Variants in CSRP3 observed in about 807,000 individuals in gnomAD.
CSRP3 encodes cysteine and glycine rich protein 3, also known as cysteine and glycine-rich protein 3.
CSRP3 carries 24 observed loss-of-function variants against 24.3 expected under a neutral mutation model. The ratio of observed to expected loss-of-function variants is 0.99; its 90% CI spans 0.71 to 1.39. The LOEUF is 1.39. Among genes scored for constraint, CSRP3 ranks in the 40% most tolerant of loss-of-function variants. The probability of loss-of-function intolerance (pLI) is 0.00; values close to 1 mark genes in which losing one functional copy is unlikely to be tolerated. For synonymous variants in CSRP3, 105 were observed against 94.0 expected (o/e 1.12, Z -0.68); for missense variants, 240 against 249.0 (o/e 0.96, Z 0.24).
At chr11:19,195,913 G>A (rs1850694394) in intron 1 of CSRP3, among the ~76,000 whole-genome samples, 1 of 152,214 alleles carries the variant, frequency 6.6e-6, no homozygotes, top group Non-Finnish European at 1.5e-5. Context: ...AGATGGGAAT[G>A]TAACCATGGA....
intron 1 of CSRP3, among the ~76,000 whole-genome samples, chr11:19,197,564 TTTCTTTCTTTCTTC>T (rs1850760419): frequency 2.2e-5 from 3 of 136,504 alleles, no homozygotes; most frequent in African/African-American, 9.0e-5. Context: ...TCTTTCTTTC[TTTCTTTCTTTCTTC>T]TTTCACTACC....
intron 1 of CSRP3, among the ~76,000 whole-genome samples, chr11:19,197,519 CTTTCTTTCTTTCT>C (rs1473514303): frequency 3.3e-5 from 4 of 119,576 alleles, no homozygotes; most frequent in Non-Finnish European, 5.2e-5. Flanking sequence ...TTCTTTCTTT[CTTTCTTTCTTTCT>C]TTCTTTCTTT....
At chr11:19,198,822 G>A (rs1190655556) in intron 1 of CSRP3, among the ~76,000 whole-genome samples, 1 of 152,158 alleles carries the variant, frequency 6.6e-6, no homozygotes, top group African/African-American at 2.4e-5. Context: ...CTCAATGCAT[G>A]TCCTCATGTA....
intron 2 of CSRP3, 85 bp downstream of exon 2, chr11:19,192,252 C>G: frequency 1.1e-6 from 1 of 916,110 alleles, no homozygotes; most frequent in Non-Finnish European, 1.8e-6. Context: ...ATGAGAACCA[C>G]TGGCATACAG....
At chr11:19,186,644 G>GT (rs1302506735) in intron 3 of CSRP3, among the ~76,000 whole-genome samples, 17 of 152,362 alleles carry the variant, frequency 1.1e-4, no homozygotes, top group African/African-American at 3.8e-4. Context: ...TTCTAGTTAT[G>GT]TTAGCTTGTG....
intron 3 of CSRP3, among the ~76,000 whole-genome samples, chr11:19,186,800 T>C (rs564099712): frequency 6.6e-6 from 1 of 152,366 alleles, no homozygotes; most frequent in East Asian, 1.9e-4. Flanking sequence ...AATCAGTTCC[T>C]GATGAACCAC....
intron 2 of CSRP3, among the ~76,000 whole-genome samples, chr11:19,189,093 A>C (rs1359511112): frequency 6.6e-6 from 1 of 152,216 alleles, no homozygotes; most frequent in South Asian, 2.1e-4. Flanking sequence ...TGATTTGGAA[A>C]GGTTACTTTT....
intron 4 of CSRP3, among the ~76,000 whole-genome samples, chr11:19,185,274 T>A (rs1850506758): frequency 6.6e-6 from 1 of 152,248 alleles, no homozygotes; most frequent in South Asian, 2.1e-4. Context: ...GCATATGTTT[T>A]CCTTCAGAAT....
chr11:19,189,910 G>A (rs4757768), intron 2 of CSRP3, among the ~76,000 whole-genome samples: 81,969 of 152,000 alleles, frequency 0.54, 24,395 homozygotes, highest in Admixed American at 0.7. Flanking sequence ...TAGAAGGTGT[G>A]TACACTTGTC....
intron 1 of CSRP3, among the ~76,000 whole-genome samples, chr11:19,200,649 A>G (rs1850823221): frequency 6.6e-6 from 1 of 152,240 alleles, no homozygotes; most frequent in Non-Finnish European, 1.5e-5. Flanking sequence ...CTCCTGCCCA[A>G]TAGCCTGGGC....
rs755614464 is a variant in CSRP3, at chr11:19,188,165, C to G, written c.252G>C (p.Thr84=). Residue 84 remains threonine, a synonymous_variant, in exon 3 of 6, where the codon ACG becomes ACC. Coordinates refer to ENST00000265968, the MANE Select transcript of CSRP3 (RefSeq NM_003476.5). ...GGAACTGCAGGCCGAGATGCTCGCC[C>G]GTGTCTGTGCTGAGACAGCCAGCGC... ...GQGAGCLSTD[T]GEHLGLQFQQ... is the part of the protein sequence containing the mutation. The G allele has an allele frequency of 1.2e-6, 2 of 1,614,144 alleles. No individual in the cohort carries two copies. Among genetic ancestry groups the G allele is most frequent in the South Asian group, 1.1e-5 (1 of 91,078 alleles).
At chr11:19,193,096 T>C (rs956702746) in intron 1 of CSRP3, among the ~76,000 whole-genome samples, 1 of 152,220 alleles carries the variant, frequency 6.6e-6, no homozygotes, top group Non-Finnish European at 1.5e-5. Context: ...TCCAAGTTAT[T>C]CCTCATATCC....
intron 1 of CSRP3, among the ~76,000 whole-genome samples, chr11:19,197,558 T>TCTTTCTTTCTTTCTTTCTTC (rs1850759025): frequency 2.1e-5 from 3 of 141,492 alleles, no homozygotes; most frequent in African/African-American, 8.4e-5. Flanking sequence ...TTTCTTTCTT[T>TCTTTCTTTCTTTCTTTCTTC]CTTTCTTTCT....
At chr11:19,195,689 A>T (rs1051302106) in intron 1 of CSRP3, among the ~76,000 whole-genome samples, 8 of 76,886 alleles carry the variant, frequency 1.0e-4, no homozygotes, top group East Asian at 6.5e-4. Flanking sequence ...ATACATATAT[A>T]TCTGTGTGTG....
At chr11:19,195,682 CAT>C (rs879699899) in intron 1 of CSRP3, among the ~76,000 whole-genome samples, 7 of 94,582 alleles carry the variant, frequency 7.4e-5, no homozygotes, top group Admixed American at 4.4e-4. Context: ...GATAAAAATA[CAT>C]ATATATCTGT....
At chr11:19,188,590 G>C (rs1199110944) in intron 2 of CSRP3, among the ~76,000 whole-genome samples, 1 of 149,886 alleles carries the variant, frequency 6.7e-6, no homozygotes, top group Non-Finnish European at 1.5e-5. Context: ...GCATCCCTGA[G>C]TCTTCCCAAA....
At position 19,198,419 on chromosome 11, in the gene CSRP3, T is replaced by C. The variant is rs574284056; in HGVS notation, c.-29+3535A>G. On this transcript the variant is annotated intron_variant, in intron 1 of 5. Coordinates refer to ENST00000265968, the MANE Select transcript of CSRP3 (RefSeq NM_003476.5). ...TCAAGGGTGGGACTAACAGGGAAACTGAATTCATTCACTGAAATCAATGAC... is the reference window on the plus strand; with the variant it reads ...TCAAGGGTGGGACTAACAGGGAAACCGAATTCATTCACTGAAATCAATGAC... Among the ~76,000 whole-genome samples the C allele has an allele frequency of 1.3e-4, 20 of 152,388 alleles. No individual in the cohort carries two copies. In the South Asian group the frequency reaches 3.7e-3, roughly 28 times the overall value.
At chr11:19,186,508 G>A (rs1411589227) in intron 3 of CSRP3, among the ~76,000 whole-genome samples, 160 bp from the exon 4 acceptor site, 1 of 152,190 alleles carries the variant, frequency 6.6e-6, no homozygotes, top group Non-Finnish European at 1.5e-5. Context: ...TTGTTGAGAG[G>A]GTTAAATGAG....
rs558335811 is a variant in CSRP3, at chr11:19,188,719, A to T, written c.113-415T>A. ...AGAAACTTACTTTTTTCTTAATCAT[A>T]AAAGAATCAGGATTGAGCACTTTCT... On this transcript the variant is annotated intron_variant, in intron 2 of 5. Transcript: ENST00000265968. Among the ~76,000 whole-genome samples, 6 of 152,020 alleles carry T rather than the reference A, an allele frequency of 3.9e-5. No individual in the cohort carries two copies. The East Asian group carries it at 1.2e-3, about 29-fold the overall frequency.
Sources: gnomAD v4.1 joint callset for allele counts (sites outside exome capture counted in the v4.1 genomes callset) on GRCh38, gnomAD v4.1.1 for gene constraint, MANE v1.5 for transcripts, NCBI Gene and HGNC (gene_info 2026-07-23, HGNC 2026-07-21) for gene names.